The following OPCML variants were observed in gnomAD, a reference collection of about 807,000 sequenced individuals.
The protein encoded by OPCML is opioid binding protein/cell adhesion molecule like, also known as opioid-binding protein/cell adhesion molecule.
A neutral mutation model predicts 37.8 loss-of-function variants in OPCML; 13 were observed. The observed-to-expected ratio is 0.34, with a 90% CI of 0.22 to 0.55. OPCML has a LOEUF of 0.55. Ranked by LOEUF, OPCML falls within the 20% of genes least tolerant of loss-of-function variation. The pLI is 0.91. For missense variants in OPCML, 341 were observed against 435.6 expected (o/e 0.78, Z 1.93); for synonymous variants, 176 against 168.8 (o/e 1.04, Z -0.33).
intron 1 of OPCML, among the ~76,000 whole-genome samples, chr11:133,324,003 G>A (rs1943395572): frequency 6.6e-6 from 1 of 152,172 alleles, no homozygotes; most frequent in Admixed American, 6.5e-5. Flanking sequence ...TGGGGGCTTG[G>A]GAGAGAGCTT....
At chr11:132,709,112 T>C (rs1431678102) in intron 2 of OPCML, among the ~76,000 whole-genome samples, 2 of 152,232 alleles carry the variant, frequency 1.3e-5, no homozygotes, top group Non-Finnish European at 2.9e-5. Context: ...CCTGTGGTGA[T>C]ATTCATCAAT....
intron 4 of OPCML, among the ~76,000 whole-genome samples, chr11:132,450,917 A>G (rs964540415): frequency 2.0e-5 from 3 of 152,166 alleles, no homozygotes; most frequent in African/African-American, 7.2e-5. Flanking sequence ...CTAATTTTCG[A>G]TAGTCAGTAG....
intron 1 of OPCML, among the ~76,000 whole-genome samples, chr11:133,158,197 A>G (rs78104964): frequency 0.027 from 4,157 of 152,236 alleles, 199 homozygotes; most frequent in African/African-American, 0.093. Context: ...ACTCAGTTCT[A>G]GAAGGTGTGG....
chr11:132,973,956 G>A (rs1037986952), intron 1 of OPCML, among the ~76,000 whole-genome samples: 2 of 149,932 alleles, frequency 1.3e-5, no homozygotes, highest in Non-Finnish European at 2.9e-5. Flanking sequence ...GAGAAAGCAC[G>A]GAGTGGATCT....
At chr11:133,368,359 G>T (rs781747925) in intron 1 of OPCML, among the ~76,000 whole-genome samples, 1 of 152,070 alleles carries the variant, frequency 6.6e-6, no homozygotes, top group Non-Finnish European at 1.5e-5. Flanking sequence ...TTAGATAAGG[G>T]TGTTGGGGGA....
intron 3 of OPCML, 85 bp from the exon 4 acceptor site, chr11:132,529,271 C>T: frequency 6.8e-7 from 1 of 1,469,110 alleles, no homozygotes; most frequent in Admixed American, 2.3e-5. Flanking sequence ...TTTTGTATAG[C>T]ATGTTTTTAT....
rs1943240294 is a variant in OPCML at position 133,317,786 on chromosome 11, A to C, written c.61+214478T>G. Among the ~76,000 whole-genome samples the C allele has an allele frequency of 2.0e-5, 3 of 152,348 alleles. No individual in the cohort carries two copies. In the South Asian group the frequency reaches 6.2e-4, roughly 32 times the overall value. ...GCTTATTAGCAGAACCTCCAGATTC[A>C]GTTTCTTAAATTTTTCTCATGTGGC... On this transcript the variant is annotated intron_variant, in intron 1 of 7. Transcript: ENST00000524381.
In OPCML at chr11:133,083,512, A is replaced by G. The variant is rs187089869; in HGVS notation, c.62-140502T>C. Among the ~76,000 whole-genome samples, 346 of 152,326 alleles carry G rather than the reference A, an allele frequency of 2.3e-3. 1 individual carries two copies. The highest frequency in any genetic ancestry group is 8.2e-3 in the African/African-American group (339 of 41,588). On this transcript the variant is annotated intron_variant, in intron 1 of 7. Transcript: ENST00000524381. Reference sequence around the variant, plus strand: ...CCCGGAAGGCTCGGCCCATGCATCCAGCGTGCCTGCTCCCAGGAATTGCAC... The same window carrying G: ...CCCGGAAGGCTCGGCCCATGCATCCGGCGTGCCTGCTCCCAGGAATTGCAC...
At chr11:133,333,289 C>A (rs1159414510) in intron 1 of OPCML, among the ~76,000 whole-genome samples, 1 of 152,052 alleles carries the variant, frequency 6.6e-6, no homozygotes, top group Non-Finnish European at 1.5e-5. Flanking sequence ...AAACTCCTAA[C>A]CTCAGGTGAT....
rs558935080 is a variant in OPCML at position 132,500,880 on chromosome 11, G to T, written c.505+28181C>A. 2.0e-5 allele frequency among the ~76,000 whole-genome samples: 3 copies of T among 152,272 alleles called. No individual in the cohort carries two copies. In the South Asian group the frequency reaches 6.2e-4, roughly 32 times the overall value. The stretch of plus-strand genomic sequence containing the variant: ...TCATCTATGTCCCTGCAAAGGACAT[G>T]AACTTATTCTTTTTTATGGCTGCAT... On this transcript the variant is annotated intron_variant, in intron 4 of 7. Coordinates refer to ENST00000524381, the MANE Select transcript of OPCML (RefSeq NM_001012393.5).
chr11:132,554,939 T>C (rs1313673310), intron 3 of OPCML, among the ~76,000 whole-genome samples: 1 of 145,108 alleles, frequency 6.9e-6, no homozygotes, highest in African/African-American at 2.6e-5. Flanking sequence ...GTAGAGTTTC[T>C]GAAAGTTTCT....
At position 132,509,678 on chromosome 11, in the gene OPCML, A is replaced by G. The variant is rs567976916; in HGVS notation, c.505+19383T>C. On this transcript the variant is annotated intron_variant, in intron 4 of 7. Transcript: ENST00000524381. ...GCTTGGCAGCTTCCATGTGATGTTGAGCCTGCAGGTGCACAGAAGTCAAGA... is the reference window on the plus strand; with the variant it reads ...GCTTGGCAGCTTCCATGTGATGTTGGGCCTGCAGGTGCACAGAAGTCAAGA... 9.2e-5 allele frequency among the ~76,000 whole-genome samples: 14 copies of G among 152,326 alleles called. 1 individual carries two copies. The South Asian group carries it at 2.9e-3, about 32-fold the overall frequency.
chr11:133,294,476 A>C, intron 1 of OPCML, among the ~76,000 whole-genome samples: 1 of 152,096 alleles, frequency 6.6e-6, no homozygotes, highest in Non-Finnish European at 1.5e-5. Flanking sequence ...ATAGGGTTAA[A>C]GGTCTCTTCA....
At chr11:132,611,038 T>C (rs1938607780) in intron 3 of OPCML, among the ~76,000 whole-genome samples, 1 of 152,124 alleles carries the variant, frequency 6.6e-6, no homozygotes, top group Non-Finnish European at 1.5e-5. Context: ...GACTAAGAAA[T>C]CACCTGAAAA....
At chr11:133,461,232 T>C (rs961782442) in intron 1 of OPCML, among the ~76,000 whole-genome samples, 2 of 151,824 alleles carry the variant, frequency 1.3e-5, no homozygotes, top group Non-Finnish European at 3.0e-5. Context: ...CCAGAGCAAT[T>C]AGAGAAGAAA....
intron 1 of OPCML, among the ~76,000 whole-genome samples, chr11:133,195,857 A>G (rs981665562): frequency 6.6e-6 from 1 of 152,196 alleles, no homozygotes; most frequent in African/African-American, 2.4e-5. Flanking sequence ...TGTCACATGA[A>G]TGATATATAT....
intron 1 of OPCML, chr11:133,006,871 A>G (rs1347989171): frequency 1.3e-5 from 13 of 985,474 alleles, no homozygotes; most frequent in Non-Finnish European, 1.4e-5. Flanking sequence ...ATCAGAATGC[A>G]GTAGGCTCAT....
At chr11:132,478,648 A>G (rs553764888) in intron 4 of OPCML, among the ~76,000 whole-genome samples, 1 of 152,360 alleles carries the variant, frequency 6.6e-6, no homozygotes, top group Non-Finnish European at 1.5e-5. Flanking sequence ...TTACCATTTA[A>G]TGACTTGTTA....
intron 2 of OPCML, among the ~76,000 whole-genome samples, chr11:132,680,685 G>A: frequency 6.6e-6 from 1 of 152,140 alleles, no homozygotes; most frequent in Middle Eastern, 3.2e-3. Flanking sequence ...TTTACTTAGT[G>A]TCAACGATAC....
Sources: allele counts gnomAD v4.1 joint callset (sites outside exome capture counted in the v4.1 genomes callset), GRCh38; gene constraint gnomAD v4.1.1; transcripts MANE v1.5; gene names NCBI Gene and HGNC (gene_info 2026-07-23, HGNC 2026-07-21).